DLG2: variants seen among roughly 807,000 people sequenced by gnomAD.
DLG2 encodes discs large MAGUK scaffold protein 2.
A neutral mutation model predicts 132.5 loss-of-function variants in DLG2; 45 were observed. The observed-to-expected ratio is 0.34, with a 90% CI of 0.27 to 0.44. DLG2 has a LOEUF of 0.44. Ranked by LOEUF, DLG2 falls within the 20% of genes least tolerant of loss-of-function variation. The probability of loss-of-function intolerance (pLI) is 1.00; values close to 1 mark genes in which losing one functional copy is unlikely to be tolerated. For missense variants in DLG2, 1,045 were observed against 1,196.9 expected, an observed-to-expected ratio of 0.87 and a Z score of 1.87; for synonymous variants, 424 against 419.6, an observed-to-expected ratio of 1.01 and a Z score of -0.13.
At chr11:83,573,090 T>G (rs937067266) in intron 19 of DLG2, among the ~76,000 whole-genome samples, 1 of 152,226 alleles carries the variant, frequency 6.6e-6, no homozygotes, top group Non-Finnish European at 1.5e-5. Context: ...CTAATTGATA[T>G]GTTGGTCTAA....
intron 6 of DLG2, among the ~76,000 whole-genome samples, chr11:84,930,185 G>A (rs184103898): frequency 7.3e-4 from 111 of 152,186 alleles, no homozygotes; most frequent in Middle Eastern, 3.4e-3. Flanking sequence ...CCCCTACAGA[G>A]TCTTTTTTCT....
At chr11:84,624,952 G>T (rs1300215642) in intron 6 of DLG2, among the ~76,000 whole-genome samples, 1 of 139,768 alleles carries the variant, frequency 7.2e-6, no homozygotes, top group Non-Finnish European at 1.5e-5. Context: ...CCGCCTCCCG[G>T]GTTCACGCCA....
chr11:84,292,661 A>G (rs144721004), intron 7 of DLG2, among the ~76,000 whole-genome samples: 91 of 152,318 alleles, frequency 6.0e-4, no homozygotes, highest in African/African-American at 2.1e-3. Context: ...TAACATAAAA[A>G]AGACTCTATT....
chr11:84,389,702 GATT>G (rs1325655970), intron 7 of DLG2, among the ~76,000 whole-genome samples: 2 of 152,054 alleles, frequency 1.3e-5, no homozygotes, highest in Non-Finnish European at 2.9e-5. Context: ...ACATAACCAA[GATT>G]ATATTAATAT....
At chr11:84,239,798 T>C (rs564173912) in intron 8 of DLG2, among the ~76,000 whole-genome samples, 33 of 152,308 alleles carry the variant, frequency 2.2e-4, no homozygotes, top group African/African-American at 7.5e-4. Flanking sequence ...ATATATAAAA[T>C]GTTGAAATTA....
At chr11:84,538,723 G>C (rs1007575578) in intron 6 of DLG2, among the ~76,000 whole-genome samples, 1 of 152,078 alleles carries the variant, frequency 6.6e-6, no homozygotes, top group Non-Finnish European at 1.5e-5. Context: ...CAGTGTGGCA[G>C]GAGGAGACTG....
intron 3 of DLG2, among the ~76,000 whole-genome samples, chr11:85,354,535 T>C (rs934941508): frequency 2.6e-5 from 4 of 152,152 alleles, no homozygotes; most frequent in Admixed American, 1.3e-4. Context: ...TCTTATCTCA[T>C]GAAGGAGCCA....
At chr11:84,008,496 T>G (rs1357935108) in intron 11 of DLG2, among the ~76,000 whole-genome samples, 3 of 152,044 alleles carry the variant, frequency 2.0e-5, no homozygotes, top group Non-Finnish European at 4.4e-5. Flanking sequence ...TGTTGACAGA[T>G]GGAAATTTGG....
chr11:84,335,850 A>G (rs1023850865), intron 7 of DLG2, among the ~76,000 whole-genome samples: 3 of 152,184 alleles, frequency 2.0e-5, no homozygotes, highest in African/African-American at 7.2e-5. Context: ...GTACATTGCA[A>G]GGGCTCAAAT....
rs117233365 is a variant in DLG2, at chr11:85,262,979, T to A, written c.186+22241A>T. 2.6e-5 allele frequency among the ~76,000 whole-genome samples: 4 copies of A among 152,236 alleles called. No individual in the cohort carries two copies. The East Asian group carries it at 5.8e-4, about 22-fold the overall frequency. On this transcript the variant is annotated intron_variant, in intron 4 of 27. Coordinates refer to ENST00000376104, the MANE Select transcript of DLG2 (RefSeq NM_001142699.3). ...GGAGCCCAGGGATGAGTCTGAGGAA[T>A]GGAAGGGCTTTGTCCCATGGTGGGA...
At chr11:85,059,130 A>C (rs2063762454) in intron 6 of DLG2, among the ~76,000 whole-genome samples, 1 of 151,486 alleles carries the variant, frequency 6.6e-6, no homozygotes, top group South Asian at 2.1e-4. Context: ...CATATTCAGA[A>C]TACATATAAA....
intron 9 of DLG2, among the ~76,000 whole-genome samples, chr11:84,112,492 CTT>C (rs1252194274): frequency 1.3e-5 from 2 of 151,342 alleles, no homozygotes; most frequent in African/African-American, 4.9e-5. Flanking sequence ...TCTTTTTACT[CTT>C]TACTCTGTTT....
At chr11:85,542,609 T>C (rs2076044642) in intron 3 of DLG2, among the ~76,000 whole-genome samples, 1 of 152,236 alleles carries the variant, frequency 6.6e-6, no homozygotes, top group Admixed American at 6.5e-5. Context: ...CCTGACTTGT[T>C]GGCTCTGGGT....
At chr11:84,225,242 A>AT (rs2096973784) in intron 8 of DLG2, among the ~76,000 whole-genome samples, 2 of 152,224 alleles carry the variant, frequency 1.3e-5, no homozygotes, top group Admixed American at 1.3e-4. Context: ...ATATTTGAAT[A>AT]GCATTTGAGA....
chr11:83,723,710 G>T (rs764962088), intron 18 of DLG2, among the ~76,000 whole-genome samples: 1 of 152,030 alleles, frequency 6.6e-6, no homozygotes, highest in East Asian at 1.9e-4. Context: ...ACAAAAATTA[G>T]CCAGGCATGG....
chr11:85,275,075 T>C (rs2077803261), intron 4 of DLG2, among the ~76,000 whole-genome samples: 1 of 152,212 alleles, frequency 6.6e-6, no homozygotes, highest in South Asian at 2.1e-4. Flanking sequence ...CAAATAAATT[T>C]GTATGCCTTT....
At chr11:84,163,955 A>G (rs778097982) in intron 8 of DLG2, among the ~76,000 whole-genome samples, 10 of 152,224 alleles carry the variant, frequency 6.6e-5, no homozygotes, top group African/African-American at 9.6e-5. Context: ...GAAAAATAGC[A>G]TGAAAATGAC....
intron 3 of DLG2, among the ~76,000 whole-genome samples, chr11:85,475,194 A>G (rs1443622027): frequency 6.6e-6 from 1 of 151,866 alleles, no homozygotes. Context: ...CAGAAGAAAT[A>G]AATAGATTTA....
chr11:84,858,450 T>G lies in DLG2; in HGVS notation c.357+253211A>C, dbSNP rs1599949412. On this transcript the variant is annotated intron_variant, in intron 6 of 27. Transcript: ENST00000376104. ...AAACAATGGCTCTGAAATTGTGCATTTGTCAAAGATTTGGTTAAAATAAAG... is the reference window on the plus strand; with the variant it reads ...AAACAATGGCTCTGAAATTGTGCATGTGTCAAAGATTTGGTTAAAATAAAG... 2.0e-5 allele frequency among the ~76,000 whole-genome samples: 3 copies of G among 152,038 alleles called. No individual in the cohort carries two copies. The South Asian group carries it at 6.2e-4, about 32-fold the overall frequency.
Sources: allele counts gnomAD v4.1 joint callset (sites outside exome capture counted in the v4.1 genomes callset), GRCh38; gene constraint gnomAD v4.1.1; transcripts MANE v1.5; gene names NCBI Gene and HGNC (gene_info 2026-07-23, HGNC 2026-07-21).